Variants in HERC2 observed in about 807,000 individuals in gnomAD.
The protein encoded by HERC2 is E3 ubiquitin-protein ligase HERC2.
Under a neutral mutation model 537.7 loss-of-function variants are expected in HERC2, and 102 were observed. That is an observed-to-expected ratio of 0.19 (90% CI 0.16 to 0.22). The LOEUF is 0.22. Ranked by LOEUF, HERC2 falls within the 10% of genes least tolerant of loss-of-function variation. The pLI is 1.00. For missense variants in HERC2, 4,236 were observed against 6,198.2 expected, an observed-to-expected ratio of 0.68 and a Z score of 10.63; for synonymous variants, 2,224 against 2,466.2, an observed-to-expected ratio of 0.90 and a Z score of 2.91.
chr15:28,320,919 T>A (rs369369143), intron 2 of HERC2, among the ~76,000 whole-genome samples: 1 of 151,972 alleles, frequency 6.6e-6, no homozygotes, highest in African/African-American at 2.4e-5. Flanking sequence ...CTAACTCTTG[T>A]CTCTCCAGAA....
chr15:28,176,824 G>A lies in HERC2; in HGVS notation c.9433-56C>T, dbSNP rs1895335270. On this transcript the variant is annotated intron_variant, in intron 61 of 92. Coordinates refer to ENST00000261609, the MANE Select transcript of HERC2 (RefSeq NM_004667.6). The surrounding 1 kb of genome is among the most constrained non-coding windows in gnomAD (Gnocchi z 5.0). ...ACGCACAGGCACGGAGAAAGCAATG[G>A]ATTTTCCCACAGATAAAGCCAACCA... The A allele has an allele frequency of 1.3e-6, 2 of 1,592,436 alleles. No homozygotes were observed. The highest frequency in any genetic ancestry group is 1.7e-6 in the Non-Finnish European group (2 of 1,163,478).
intron 69 of HERC2, among the ~76,000 whole-genome samples, chr15:28,157,408 G>C (rs1278993233): frequency 6.6e-6 from 1 of 152,128 alleles, no homozygotes; most frequent in Non-Finnish European, 1.5e-5. Flanking sequence ...ATTAATTATT[G>C]CCTCCATTTC....
rs576250950 is a variant in HERC2 at position 28,132,778 on chromosome 15, C to T, written c.12283G>A (p.Asp4095Asn). 5.6e-6 allele frequency: 9 copies of T among 1,606,038 alleles called. No homozygotes were observed. The highest frequency in any genetic ancestry group is 1.7e-4 in the Middle Eastern group (1 of 6,038). ...IESLRGIEVVDVAAGGAHSAC... is the reference protein window; with the variant it reads ...IESLRGIEVVNVAAGGAHSAC... ...CTGTGGGCTCCGCCAGCAGCAACAT[C>T]GACCACTTCAATTCCTCTCAGAGAC... is the stretch of plus-strand genomic sequence containing the variant. Residue 4095 changes from aspartate (D) to asparagine (N), a missense_variant, in exon 80 of 93, where the codon GAT becomes AAT. Physicochemically the swap from Asp to Asn is conservative, Grantham distance 23 (BLOSUM62 1). Coordinates refer to ENST00000261609, the MANE Select transcript of HERC2 (RefSeq NM_004667.6).
chr15:28,262,879 C>A, intron 15 of HERC2, 39 bp downstream of exon 15: 1 of 1,577,906 alleles, frequency 6.3e-7, no homozygotes, highest in South Asian at 1.2e-5. Context: ...ACTAAAGAAA[C>A]TGTCCTGAAG....
intron 55 of HERC2, among the ~76,000 whole-genome samples, chr15:28,187,102 G>A (rs1274871038): frequency 2.6e-5 from 4 of 152,190 alleles, no homozygotes; most frequent in African/African-American, 9.6e-5. Flanking sequence ...GATATTAAAT[G>A]TCAGGTAGTA....
chr15:28,269,839 C>G (rs2075669022), intron 10 of HERC2, among the ~76,000 whole-genome samples: 1 of 152,278 alleles, frequency 6.6e-6, no homozygotes, highest in Non-Finnish European at 1.5e-5. Context: ...CGGGAGCAAT[C>G]TGGTGACAAC....
intron 69 of HERC2, among the ~76,000 whole-genome samples, chr15:28,154,293 T>C (rs1892762805): frequency 6.6e-6 from 1 of 152,236 alleles, no homozygotes; most frequent in South Asian, 2.1e-4. Flanking sequence ...AAATATTATA[T>C]ATTAACAAAC....
rs768590947 is a variant in HERC2, at chr15:28,113,221, G to A, written c.14082C>T (p.Ile4694=). 8.1e-6 allele frequency: 13 copies of A among 1,614,026 alleles called. No individual in the cohort carries two copies. The highest frequency in any genetic ancestry group is 5.5e-5 in the South Asian group (5 of 91,094). ...ACTGGATCAGCGATGCGGAAGGCTCGATGCCTTTATAGGTGGCCACCGACT... is the reference window on the plus strand; with the variant it reads ...ACTGGATCAGCGATGCGGAAGGCTCAATGCCTTTATAGGTGGCCACCGACT... ...LLKSVATYKG[I]EPSASLIQWF... is the part of the protein sequence containing the mutation. Residue 4694 remains isoleucine (I), a synonymous_variant, in exon 92 of 93, where the codon ATC becomes ATT. Coordinates refer to ENST00000261609, the MANE Select transcript of HERC2 (RefSeq NM_004667.6). This position sits in a 1 kb window ranked among gnomAD's most constrained non-coding sequence, Gnocchi z 7.0.
intron 35 of HERC2, among the ~76,000 whole-genome samples, chr15:28,223,090 T>A (rs1368997764): frequency 1.3e-5 from 2 of 152,020 alleles, no homozygotes; most frequent in Admixed American, 1.3e-4. Flanking sequence ...AACCTGGGGG[T>A]GGTCTTGGAG....
At chr15:28,198,968 C>T (rs1567001068) in intron 48 of HERC2, among the ~76,000 whole-genome samples, 199 bp from the exon 49 acceptor site, 1 of 151,910 alleles carries the variant, frequency 6.6e-6, no homozygotes, top group Non-Finnish European at 1.5e-5. Flanking sequence ...GGCAACATGG[C>T]GAAACCCACC....
At chr15:28,251,178 C>T (rs1349171811) in intron 20 of HERC2, among the ~76,000 whole-genome samples, 1 of 152,184 alleles carries the variant, frequency 6.6e-6, no homozygotes. Flanking sequence ...TGCAGTGGCT[C>T]ACACCTGTAA....
intron 33 of HERC2, 29 bp downstream of exon 33, chr15:28,229,427 CTTAA>C (rs750304744): frequency 9.9e-6 from 16 of 1,613,520 alleles, no homozygotes; most frequent in Admixed American, 6.7e-5. Context: ...CCATAGCTAC[CTTAA>C]TTAAGAAAAA....
Position 28,215,922 on chromosome 15 carries a change from T to C in HERC2, c.6029-120A>G, listed in dbSNP as rs139621924. The C allele has an allele frequency of 3.5e-4, 251 of 713,144 alleles. 1 individual carries two copies. In the African/African-American group the frequency reaches 4.0e-3, roughly 11 times the overall value. The allele number at this position is 713,144 out of a possible 1,614,324, so 44.2% of individuals were successfully genotyped here. On this transcript the variant is annotated intron_variant, in intron 38 of 92. Transcript: ENST00000261609. The stretch of plus-strand genomic sequence containing the variant: ...TCTAAAATAAGCTCCTTTACAAATA[T>C]ATTGCAGTTTGTAAATTAATTCAAA...
chr15:28,248,435 G>T, intron 21 of HERC2, 117 bp downstream of exon 21: 1 of 650,224 alleles, frequency 1.5e-6, no homozygotes, highest in Non-Finnish European at 2.6e-6. Flanking sequence ...CCCCAAAATT[G>T]GTGCATTTAG....
At position 28,272,984 on chromosome 15, in the gene HERC2, G is replaced by A; in HGVS notation, c.821C>T (p.Ala274Val). The change falls in exon 8 of 93, where the codon GCC becomes GTC. Residue 274 changes from alanine (A) to valine (V), a missense_variant. This residue lies in a region of HERC2 where 491 missense variants were observed against 559.3 expected (regional missense o/e 0.88). Coordinates refer to ENST00000261609, the MANE Select transcript of HERC2 (RefSeq NM_004667.6). ...GGGGATGCTTCCTGGCCCTTTGGTG[G>A]CTGGCGTTCCGTGAACATCCCTGAA... ...VVTGDVHGTP[A>V]TKGPGSIPLQ... 2 of 1,612,438 alleles carry A rather than the reference G, an allele frequency of 1.2e-6. No individual in the cohort carries two copies. The highest frequency in any genetic ancestry group is 8.5e-7 in the Non-Finnish European group (1 of 1,179,980).
intron 30 of HERC2, among the ~76,000 whole-genome samples, 196 bp from the exon 31 acceptor site, chr15:28,230,696 C>T (rs1450777695): frequency 6.6e-6 from 1 of 151,896 alleles, no homozygotes; most frequent in South Asian, 2.1e-4. Flanking sequence ...GAGAGTGCGA[C>T]GAGGGGAGAA....
chr15:28,318,406 C>A (rs1422548887), intron 2 of HERC2, among the ~76,000 whole-genome samples: 2 of 152,170 alleles, frequency 1.3e-5, no homozygotes, highest in African/African-American at 4.8e-5. Context: ...ACGGGTGGAT[C>A]ACTTGAGGTC....
At chr15:28,255,772 A>G in intron 19 of HERC2, 100 bp downstream of exon 19, 5 of 1,283,236 alleles carry the variant, frequency 3.9e-6, no homozygotes, top group Non-Finnish European at 5.3e-6. Flanking sequence ...ATATGATAAA[A>G]GTTTAGAGTT....
At chr15:28,243,040 C>T (rs144755113) in intron 23 of HERC2, among the ~76,000 whole-genome samples, 32 of 152,318 alleles carry the variant, frequency 2.1e-4, no homozygotes, top group African/African-American at 7.5e-4. Context: ...CAATGCACTA[C>T]AGGTCCTAGC....
Sources: gnomAD v4.1 joint callset for allele counts (sites outside exome capture counted in the v4.1 genomes callset) on GRCh38, gnomAD v4.1.1 for gene constraint, gnomAD v4.1.1 regional missense constraint, Gnocchi (gnomAD v3.1) non-coding constraint, MANE v1.5 for transcripts, NCBI Gene and HGNC (gene_info 2026-07-23, HGNC 2026-07-21) for gene names.